The following ALG14 variants were observed in gnomAD, a reference collection of about 807,000 sequenced individuals.
The protein encoded by ALG14 is ALG14 UDP-N-acetylglucosaminyltransferase subunit, also known as UDP-N-acetylglucosamine transferase subunit ALG14.
In ALG14, 17 loss-of-function variants were observed where a neutral mutation model predicts 22.8. The ratio of observed to expected loss-of-function variants is 0.75; its 90% confidence interval spans 0.51 to 1.12. The LOEUF (loss-of-function observed/expected upper bound fraction) is 1.12. ALG14 is among the 50% of genes most tolerant of loss of function. ALG14 has a pLI of 0.00. For synonymous variants in ALG14, 89 were observed against 103.7 expected, an observed-to-expected ratio of 0.86 and a Z score of 0.86; for missense variants, 288 against 271.8, an observed-to-expected ratio of 1.06 and a Z score of -0.42.
intron 2 of ALG14, among the ~76,000 whole-genome samples, chr1:95,033,787 C>G (rs78321155): frequency 0.016 from 2,482 of 152,242 alleles, 70 homozygotes; most frequent in African/African-American, 0.057. Flanking sequence ...TCATTACCAT[C>G]TCTCACCTTG....
chr1:95,002,839 A>T (rs540854166), intron 3 of ALG14, among the ~76,000 whole-genome samples: 1 of 152,296 alleles, frequency 6.6e-6, no homozygotes, highest in Admixed American at 6.5e-5. Flanking sequence ...TGTGTTCACA[A>T]ACTCCATATA....
chr1:95,053,436 G>A (rs957646821), intron 2 of ALG14, among the ~76,000 whole-genome samples: 9 of 151,944 alleles, frequency 5.9e-5, no homozygotes, highest in African/African-American at 1.5e-4. Context: ...AATTCACTAC[G>A]TAGAATCAAA....
intron 1 of ALG14, among the ~76,000 whole-genome samples, chr1:95,071,457 TG>T (rs374938857): frequency 4.9e-4 from 74 of 152,242 alleles, no homozygotes; most frequent in African/African-American, 1.7e-3. Flanking sequence ...GGCAGGAGAA[TG>T]GCTTGAATTT....
chr1:94,977,990 C>G lies in ALG14; in HGVS notation c.*5086G>C, dbSNP rs1672427740. On this transcript the variant is annotated 3_prime_UTR_variant, in exon 4 of 4. Transcript: ENST00000370205. ...TTTTAGTATAATGAGGTCCTGAGAT[C>G]AAAACGTTTGTGAAGCACTGGTCTA... 1.3e-5 allele frequency: 2 copies of G among 151,538 alleles called. No individual in the cohort carries two copies. Among genetic ancestry groups the G allele is most frequent in the African/African-American group, 4.9e-5 (2 of 41,218 alleles). 9.4% of individuals were successfully genotyped at this position (151,538 alleles called of 1,614,324 possible). A position where few individuals can be genotyped will look rare whatever the true frequency, so the allele number is the denominator to read the frequency against.
chr1:95,026,812 C>T (rs1330424414), intron 3 of ALG14, among the ~76,000 whole-genome samples: 2 of 152,060 alleles, frequency 1.3e-5, no homozygotes, highest in South Asian at 2.1e-4. Flanking sequence ...ACTTGTAGTC[C>T]CAGCTACTCA....
At chr1:95,007,202 AG>A (rs1348055174) in intron 3 of ALG14, among the ~76,000 whole-genome samples, 2 of 152,206 alleles carry the variant, frequency 1.3e-5, no homozygotes, top group African/African-American at 4.8e-5. Flanking sequence ...GATCTCAAAG[AG>A]GGGTTTTCCC....
chr1:95,016,333 G>C (rs1673493003), intron 3 of ALG14, among the ~76,000 whole-genome samples: 2 of 151,816 alleles, frequency 1.3e-5, no homozygotes, highest in Non-Finnish European at 2.9e-5. Context: ...CCCTTCTTTT[G>C]GTTCTATTAT....
chr1:95,014,649 A>T (rs1673453306), intron 3 of ALG14, among the ~76,000 whole-genome samples: 1 of 152,226 alleles, frequency 6.6e-6, no homozygotes, highest in South Asian at 2.1e-4. Context: ...ATTATCTACA[A>T]ATAGTTAAAA....
intron 1 of ALG14, among the ~76,000 whole-genome samples, chr1:95,072,182 C>G (rs181246396): frequency 1.1e-4 from 16 of 152,292 alleles, no homozygotes; most frequent in Admixed American, 8.5e-4. Flanking sequence ...CTGTGTGTGT[C>G]TGTCTGTCCC....
intron 3 of ALG14, 138 bp downstream of exon 3, chr1:95,026,991 G>C (rs1673839243): frequency 6.5e-6 from 7 of 1,083,194 alleles, no homozygotes; most frequent in Non-Finnish European, 9.0e-6. Flanking sequence ...CAAGATCAAG[G>C]CACCAGCCAG....
chr1:94,996,675 C>CTTTATT (rs574226679), intron 3 of ALG14, among the ~76,000 whole-genome samples: 1 of 152,178 alleles, frequency 6.6e-6, no homozygotes, highest in East Asian at 1.9e-4. Context: ...TCTGTTAACA[C>CTTTATT]TTTATTTTTA....
chr1:95,026,462 A>ATGTG (rs141495807), intron 3 of ALG14, among the ~76,000 whole-genome samples: 3,391 of 142,320 alleles, frequency 0.024, 70 homozygotes, highest in South Asian at 0.052. Flanking sequence ...AGCCCAAGGA[A>ATGTG]TGTGTGTGTG....
intron 1 of ALG14, among the ~76,000 whole-genome samples, chr1:95,070,677 A>G (rs935329583): frequency 3.3e-5 from 5 of 152,192 alleles, no homozygotes; most frequent in African/African-American, 9.7e-5. Flanking sequence ...GGTTGACACT[A>G]TATGTCAAGC....
chr1:95,006,678 G>T (rs965129678), intron 3 of ALG14, among the ~76,000 whole-genome samples: 1 of 152,214 alleles, frequency 6.6e-6, no homozygotes, highest in Non-Finnish European at 1.5e-5. Flanking sequence ...GCATGGCTTT[G>T]TTATCAATTT....
intron 2 of ALG14, among the ~76,000 whole-genome samples, chr1:95,053,511 C>T (rs1370310858): frequency 1.3e-5 from 2 of 152,146 alleles, no homozygotes; most frequent in African/African-American, 4.8e-5. Flanking sequence ...GACCAATTCA[C>T]AATCACAATT....
At chr1:95,057,976 G>C (rs1290546195) in intron 2 of ALG14, among the ~76,000 whole-genome samples, 1 of 151,796 alleles carries the variant, frequency 6.6e-6, no homozygotes, top group Non-Finnish European at 1.5e-5. Context: ...CAACTGTAGG[G>C]ATATTATGTC....
chr1:94,991,356 A>G (rs1672766140), intron 3 of ALG14, among the ~76,000 whole-genome samples: 1 of 152,218 alleles, frequency 6.6e-6, no homozygotes, highest in Non-Finnish European at 1.5e-5. Flanking sequence ...AAAAATCTGG[A>G]TGTTACACCT....
chr1:95,072,758 C>T lies in ALG14; in HGVS notation c.136+5G>A. ...AAGTCCGACAGTCGCCTCCTCGATA[C>T]TTACCGGACCCAGCCACTACCAAGA... On this transcript the variant is annotated splice_donor_5th_base_variant and intron_variant, in intron 1 of 3. Coordinates refer to ENST00000370205, the MANE Select transcript of ALG14 (RefSeq NM_144988.4). 1 of 1,609,402 alleles carries T rather than the reference C, an allele frequency of 6.2e-7. No homozygotes were observed. The highest frequency in any genetic ancestry group is 8.5e-7 in the Non-Finnish European group (1 of 1,178,194).
In ALG14 at chr1:94,977,256, G is replaced by C. The variant is rs1672415474; in HGVS notation, c.*5820C>G. On this transcript the variant is annotated 3_prime_UTR_variant, in exon 4 of 4. Transcript: ENST00000370205. ...GCACTTTGGAAGGCCAAGATAGGAGGATTCCTTGAGACCAGGAGTTTGAGA... is the reference window on the plus strand; with the variant it reads ...GCACTTTGGAAGGCCAAGATAGGAGCATTCCTTGAGACCAGGAGTTTGAGA... 2.0e-5 allele frequency: 3 copies of C among 152,214 alleles called. No individual in the cohort carries two copies. Among genetic ancestry groups the C allele is most frequent in the Admixed American group, 6.5e-5 (1 of 15,282 alleles). 9.4% of individuals were successfully genotyped at this position (152,214 alleles called of 1,614,324 possible).
Sources: allele counts gnomAD v4.1 joint callset (sites outside exome capture counted in the v4.1 genomes callset), GRCh38; gene constraint gnomAD v4.1.1; transcripts MANE v1.5; gene names NCBI Gene and HGNC (gene_info 2026-07-23, HGNC 2026-07-21).